Variants in DCDC1 observed in about 807,000 individuals in gnomAD.
The protein encoded by DCDC1 is doublecortin domain containing 1, also known as doublecortin domain-containing protein 1.
DCDC1 carries 200 observed loss-of-function variants against 178.3 expected under a neutral mutation model. The observed-to-expected ratio is 1.12, with a 90% CI of 1.00 to 1.26. The LOEUF is 1.26. Ranked by LOEUF, DCDC1 falls within the 50% of genes most tolerant of loss-of-function variation. DCDC1 has a pLI of 0.00. For missense variants in DCDC1, 1,983 were observed against 1,749.2 expected (o/e 1.13, Z -2.38); for synonymous variants, 690 against 604.8 (o/e 1.14, Z -2.07).
intron 22 of DCDC1, among the ~76,000 whole-genome samples, chr11:30,927,431 C>T (rs1946655327): frequency 6.6e-6 from 1 of 151,736 alleles, no homozygotes; most frequent in African/African-American, 2.4e-5. Context: ...AAGAAAAACA[C>T]CAAAAACCTC....
At chr11:30,943,651 G>T in intron 21 of DCDC1, 2 of 452,502 alleles carry the variant, frequency 4.4e-6, no homozygotes, top group Non-Finnish European at 8.9e-6. Context: ...AATAACTTGA[G>T]TTCCTCTAAT....
intron 6 of DCDC1, among the ~76,000 whole-genome samples, chr11:31,293,495 G>A (rs1947379134): frequency 6.6e-6 from 1 of 152,134 alleles, no homozygotes; most frequent in African/African-American, 2.4e-5. Context: ...CAAAATTTAA[G>A]GAAGCTGTGC....
chr11:31,201,174 C>T (rs1004287978), intron 9 of DCDC1, among the ~76,000 whole-genome samples: 2 of 151,864 alleles, frequency 1.3e-5, no homozygotes, highest in Admixed American at 6.6e-5. Flanking sequence ...TGAATGAATG[C>T]GACCTACTAG....
At chr11:30,935,873 T>G (rs902271080) in intron 21 of DCDC1, among the ~76,000 whole-genome samples, 1 of 152,150 alleles carries the variant, frequency 6.6e-6, no homozygotes, top group African/African-American at 2.4e-5. Flanking sequence ...TTTTACATTT[T>G]TCTCAGAGTT....
chr11:31,305,607 T>A lies in DCDC1; in HGVS notation c.754+8A>T. On this transcript the variant is annotated splice_region_variant and intron_variant, in intron 6 of 38. Transcript: ENST00000684477. ...GTGGGGGTAGGGTATTTTTTAGATCTTTTTTACCTTTAATTTTTTTGAATG... is the reference window on the plus strand; with the variant it reads ...GTGGGGGTAGGGTATTTTTTAGATCATTTTTACCTTTAATTTTTTTGAATG... 2 of 1,612,944 alleles carry A rather than the reference T, an allele frequency of 1.2e-6. No individual in the cohort carries two copies. Among genetic ancestry groups the A allele is most frequent in the Non-Finnish European group, 1.7e-6 (2 of 1,179,342 alleles).
chr11:31,305,171 T>C (rs1461354635), intron 6 of DCDC1, among the ~76,000 whole-genome samples: 2 of 152,128 alleles, frequency 1.3e-5, no homozygotes, highest in Non-Finnish European at 1.5e-5. Flanking sequence ...TGTTCATTAT[T>C]GGCCACATTT....
intron 11 of DCDC1, 126 bp from the exon 12 acceptor site, chr11:31,110,487 G>A: frequency 1.8e-6 from 1 of 554,256 alleles, no homozygotes. Flanking sequence ...TGAAAATTGT[G>A]TACATGGGAA....
chr11:30,905,637 T>C (rs1371385391), intron 30 of DCDC1, among the ~76,000 whole-genome samples: 1 of 152,176 alleles, frequency 6.6e-6, no homozygotes, highest in Non-Finnish European at 1.5e-5. Context: ...CTTTCCCTTT[T>C]CATCCCAACC....
At chr11:31,215,242 C>T (rs1049838799) in intron 9 of DCDC1, 14 of 209,384 alleles carry the variant, frequency 6.7e-5, no homozygotes, top group African/African-American at 1.7e-4. Context: ...CTTGCCTGGG[C>T]AACATAGTGA....
chr11:30,974,355 T>C (rs1355720700), intron 20 of DCDC1, among the ~76,000 whole-genome samples: 2 of 147,384 alleles, frequency 1.4e-5, no homozygotes, highest in Non-Finnish European at 3.0e-5. Flanking sequence ...ATCCCAAAAT[T>C]AGTAGAAGGA....
intron 1 of DCDC1, among the ~76,000 whole-genome samples, chr11:31,364,761 C>A (rs910036594): frequency 2.6e-5 from 4 of 151,714 alleles, no homozygotes; most frequent in Non-Finnish European, 5.9e-5. Flanking sequence ...AAAATGAAAA[C>A]CATTTCTAAA....
chr11:30,875,320 T>C (rs1942015543), intron 38 of DCDC1, among the ~76,000 whole-genome samples: 1 of 152,088 alleles, frequency 6.6e-6, no homozygotes, highest in African/African-American at 2.4e-5. Context: ...TTACCTAGCC[T>C]CGTAGAGGGG....
chr11:31,155,832 T>C (rs571483557), intron 9 of DCDC1: 11 of 152,306 alleles, frequency 7.2e-5, no homozygotes, highest in Admixed American at 4.6e-4. Flanking sequence ...AGAGGAGACA[T>C]TAGAGTCACC....
At chr11:31,063,123 GA>G (rs1956044368) in intron 20 of DCDC1, among the ~76,000 whole-genome samples, 2 of 152,020 alleles carry the variant, frequency 1.3e-5, no homozygotes, top group Non-Finnish European at 2.9e-5. Context: ...GTGGCCATCA[GA>G]GAAATGCAAA....
At chr11:31,331,608 G>A (rs536616706) in intron 2 of DCDC1, among the ~76,000 whole-genome samples, 11 of 152,026 alleles carry the variant, frequency 7.2e-5, no homozygotes, top group Non-Finnish European at 1.5e-4. Flanking sequence ...GAATTTTGTC[G>A]AAGGCCTTTT....
chr11:30,876,627 T>C (rs201534386), intron 38 of DCDC1, among the ~76,000 whole-genome samples: 1 of 152,180 alleles, frequency 6.6e-6, no homozygotes, highest in East Asian at 1.9e-4. Context: ...TGTGTGATAT[T>C]ACCAATTTTC....
chr11:31,034,292 T>C (rs138210919), intron 20 of DCDC1, among the ~76,000 whole-genome samples: 1,083 of 106,368 alleles, frequency 0.01, 7 homozygotes, highest in Middle Eastern at 0.056. Flanking sequence ...TTTAAGTTCA[T>C]AAAGTAAAAA....
chr11:30,899,970 A>C (rs2134102322), intron 33 of DCDC1, among the ~76,000 whole-genome samples: 1 of 152,290 alleles, frequency 6.6e-6, no homozygotes, highest in Middle Eastern at 3.4e-3. Context: ...ACATCCACCT[A>C]CTGCCTAAAG....
chr11:30,893,277 T>G (rs1198978508), intron 35 of DCDC1, among the ~76,000 whole-genome samples: 1 of 152,200 alleles, frequency 6.6e-6, no homozygotes, highest in Non-Finnish European at 1.5e-5. Flanking sequence ...TGTGAAGAAA[T>G]GCAGAGAGAA....
Sources: allele counts gnomAD v4.1 joint callset (sites outside exome capture counted in the v4.1 genomes callset), GRCh38; gene constraint gnomAD v4.1.1; transcripts MANE v1.5; gene names NCBI Gene and HGNC (gene_info 2026-07-23, HGNC 2026-07-21).